IL1RAPL2: variants seen among roughly 807,000 people sequenced by gnomAD.
IL1RAPL2 encodes X-linked interleukin-1 receptor accessory protein-like 2.
IL1RAPL2 carries 3 observed loss-of-function variants against 44.1 expected under a neutral mutation model. The observed-to-expected ratio is 0.07, with a 90% confidence interval of 0.03 to 0.18. The LOEUF (loss-of-function observed/expected upper bound fraction) is 0.18, where lower values mean the gene tolerates loss of function less well. Among genes scored for constraint, IL1RAPL2 ranks in the 10% least tolerant of loss-of-function variants. The pLI is 1.00. For missense variants in IL1RAPL2, 391 were observed against 496.4 expected (o/e 0.79, Z 2.02); for synonymous variants, 181 against 178.8 (o/e 1.01, Z -0.10).
intron 2 of IL1RAPL2, among the ~76,000 whole-genome samples, chrX:105,117,657 C>G (rs897868603): frequency 2.1e-4 from 23 of 111,562 alleles, no homozygotes; most frequent in Non-Finnish European, 3.8e-4. Context: ...GCTTTTCCCC[C>G]CTTTGCTCAG....
At chrX:104,677,471 C>A (rs998033671) in intron 2 of IL1RAPL2, among the ~76,000 whole-genome samples, 10 of 110,924 alleles carry the variant, frequency 9.0e-5, no homozygotes, top group African/African-American at 2.6e-4. Flanking sequence ...TCTCCAGCTG[C>A]GTGCTGGGAG....
rs1245068590 is a variant in IL1RAPL2 at position 105,354,195 on chromosome X, A to G, written c.697+86654A>G. On this transcript the variant is annotated intron_variant, in intron 5 of 10. Coordinates refer to ENST00000372582, the MANE Select transcript of IL1RAPL2 (RefSeq NM_017416.2). ...ATAAATCATGCTGCTATAAAGACAC[A>G]TGCACACGTATGTTTATTGCAGCAG... Among the ~76,000 whole-genome samples, 9 of 111,282 alleles carry G rather than the reference A, an allele frequency of 8.1e-5. No homozygotes were observed. In the Admixed American group the frequency reaches 8.6e-4, roughly 11 times the overall value.
intron 6 of IL1RAPL2, among the ~76,000 whole-genome samples, chrX:105,651,363 A>G (rs772997149): frequency 8.9e-5 from 10 of 111,773 alleles, no homozygotes; most frequent in Non-Finnish European, 1.7e-4. Context: ...GCAATGAAGG[A>G]TGTCAAACAT....
intron 2 of IL1RAPL2, among the ~76,000 whole-genome samples, chrX:104,776,083 AATTT>A (rs1288578878): frequency 6.3e-5 from 7 of 111,987 alleles, no homozygotes; most frequent in African/African-American, 1.9e-4. Context: ...ACAACTTACT[AATTT>A]ATTTATTCTT....
chrX:105,290,478 A>G (rs1220014641), intron 5 of IL1RAPL2, among the ~76,000 whole-genome samples: 1 of 111,443 alleles, frequency 9.0e-6, no homozygotes, highest in Non-Finnish European at 1.9e-5. Flanking sequence ...ACTTATCCAG[A>G]AATACTCACA....
At chrX:105,067,938 T>C (rs1387573115) in intron 2 of IL1RAPL2, among the ~76,000 whole-genome samples, 1 of 112,077 alleles carries the variant, frequency 8.9e-6, no homozygotes, top group African/African-American at 3.2e-5. Context: ...TTATGAATAC[T>C]GAGGAATACA....
At chrX:104,934,387 TAATC>T (rs1602832857) in intron 2 of IL1RAPL2, among the ~76,000 whole-genome samples, 1 of 111,300 alleles carries the variant, frequency 9.0e-6, no homozygotes, top group Non-Finnish European at 1.9e-5. Context: ...AAATGTGAGA[TAATC>T]AAGATAAGGA....
rs150650352 is a variant in IL1RAPL2 at position 104,689,926 on chromosome X, C to T, written c.82+30931C>T. On this transcript the variant is annotated intron_variant, in intron 2 of 10. Transcript: ENST00000372582. Reference sequence around the variant, plus strand: ...TCTATTCCACCTGTCCATGACTTGGCTCACTGTTCCCCTGTGTTATCTGTA... The same window carrying T: ...TCTATTCCACCTGTCCATGACTTGGTTCACTGTTCCCCTGTGTTATCTGTA... Among the ~76,000 whole-genome samples the T allele has an allele frequency of 6.4e-3, 712 of 112,099 alleles. 3 individuals carry two copies. Among genetic ancestry groups the T allele is most frequent in the African/African-American group, 0.022 (679 of 30,875 alleles).
At chrX:105,051,140 G>T (rs1355207311) in intron 2 of IL1RAPL2, among the ~76,000 whole-genome samples, 1 of 112,277 alleles carries the variant, frequency 8.9e-6, no homozygotes, top group African/African-American at 3.2e-5. Context: ...GACCTACTGG[G>T]GACCCACCCC....
intron 2 of IL1RAPL2, among the ~76,000 whole-genome samples, chrX:104,750,927 T>C (rs1475130312): frequency 6.3e-5 from 7 of 111,247 alleles, no homozygotes; most frequent in Non-Finnish European, 1.1e-4. Context: ...CATCACCAGC[T>C]GGTTGCATGA....
intron 2 of IL1RAPL2, among the ~76,000 whole-genome samples, chrX:104,693,265 G>A (rs1312846997): frequency 1.8e-5 from 2 of 111,329 alleles, no homozygotes; most frequent in Non-Finnish European, 3.8e-5. Context: ...ACCATTCAAA[G>A]ATTGGCAAGA....
At chrX:105,544,505 G>A (rs1210553651) in intron 6 of IL1RAPL2, among the ~76,000 whole-genome samples, 1 of 110,516 alleles carries the variant, frequency 9.0e-6, no homozygotes, top group Admixed American at 9.7e-5. Context: ...ACTTTGCACT[G>A]TTCTGTATCT....
At chrX:105,340,076 A>G (rs771305889) in intron 5 of IL1RAPL2, among the ~76,000 whole-genome samples, 1 of 111,764 alleles carries the variant, frequency 8.9e-6, no homozygotes, top group Admixed American at 9.5e-5. Context: ...AAATATCTGT[A>G]TCTATCCAAC....
chrX:105,507,062 C>G (rs747553858), intron 6 of IL1RAPL2, among the ~76,000 whole-genome samples: 5 of 111,396 alleles, frequency 4.5e-5, no homozygotes, highest in Non-Finnish European at 9.4e-5. Context: ...GGGTTTCTTA[C>G]GCCTGTAGAA....
chrX:104,604,534 C>A (rs1258307509), intron 1 of IL1RAPL2, among the ~76,000 whole-genome samples: 1 of 105,825 alleles, frequency 9.4e-6, no homozygotes, highest in Non-Finnish European at 1.9e-5. Flanking sequence ...GAGTCAAGAC[C>A]CATCAGTGTG....
At chrX:105,116,043 T>C (rs1749004886) in intron 2 of IL1RAPL2, among the ~76,000 whole-genome samples, 2 of 113,087 alleles carry the variant, frequency 1.8e-5, no homozygotes, top group Admixed American at 9.2e-5. Context: ...GAACTTGCGC[T>C]GGCCTGCAAG....
chrX:105,441,212 T>A (rs758138148), intron 5 of IL1RAPL2, among the ~76,000 whole-genome samples: 4 of 111,848 alleles, frequency 3.6e-5, no homozygotes, highest in Non-Finnish European at 7.5e-5. Flanking sequence ...ATATATCAGA[T>A]TTAGGGTGAT....
chrX:105,287,711 G>A (rs1277802524), intron 5 of IL1RAPL2, among the ~76,000 whole-genome samples: 1 of 111,387 alleles, frequency 9.0e-6, no homozygotes, highest in African/African-American at 3.3e-5. Flanking sequence ...TGGCTTAGAT[G>A]TGGAGTATCA....
chrX:105,311,838 A>G (rs2034800313), intron 5 of IL1RAPL2, among the ~76,000 whole-genome samples: 1 of 111,448 alleles, frequency 9.0e-6, no homozygotes, highest in Non-Finnish European at 1.9e-5. Flanking sequence ...ATGACTAATA[A>G]ACTTAGGTGA....
Sources: allele counts gnomAD v4.1 joint callset (sites outside exome capture counted in the v4.1 genomes callset), GRCh38; gene constraint gnomAD v4.1.1; transcripts MANE v1.5; gene names NCBI Gene and HGNC (gene_info 2026-07-23, HGNC 2026-07-21).